The following XKR6 variants were observed in gnomAD, a reference collection of about 807,000 sequenced individuals.
XKR6 encodes XK related 6.
XKR6 carries 22 observed loss-of-function variants against 56.7 expected under a neutral mutation model. The ratio of observed to expected loss-of-function variants is 0.39; its 90% confidence interval spans 0.28 to 0.55. XKR6 has a LOEUF of 0.55. Among genes scored for constraint, XKR6 ranks in the 20% least tolerant of loss-of-function variants. The probability of loss-of-function intolerance (pLI) is 0.66; values close to 1 mark genes in which losing one functional copy is unlikely to be tolerated. For missense variants in XKR6, 852 were observed against 889.0 expected, an observed-to-expected ratio of 0.96 and a Z score of 0.53; for synonymous variants, 524 against 387.8, an observed-to-expected ratio of 1.35 and a Z score of -4.13.
chr8:11,083,923 C>T (rs1410857932), intron 1 of XKR6, among the ~76,000 whole-genome samples: 4 of 150,250 alleles, frequency 2.7e-5, no homozygotes, highest in Non-Finnish European at 5.9e-5. Flanking sequence ...TTTGCTGTTT[C>T]GTTAAAAAAA....
chr8:10,972,848 G>C (rs1191262792), intron 1 of XKR6, among the ~76,000 whole-genome samples: 1 of 152,150 alleles, frequency 6.6e-6, no homozygotes, highest in South Asian at 2.1e-4. Flanking sequence ...ACTTAAAATC[G>C]GTTAAAATGG....
intron 1 of XKR6, among the ~76,000 whole-genome samples, chr8:10,996,903 G>C (rs896946875): frequency 2.0e-5 from 3 of 152,040 alleles, no homozygotes; most frequent in Non-Finnish European, 4.4e-5. Context: ...CAGGAGTCTA[G>C]GGCTGCAGTG....
chr8:11,148,653 T>C (rs558939618), intron 1 of XKR6, among the ~76,000 whole-genome samples: 164 of 152,334 alleles, frequency 1.1e-3, no homozygotes, highest in African/African-American at 3.9e-3. Flanking sequence ...ACCTATCATA[T>C]GATCCAGCTA....
Position 11,060,914 on chromosome 8 carries a change from T to C in XKR6, c.765-136084A>G, listed in dbSNP as rs556263976. 7.9e-5 allele frequency among the ~76,000 whole-genome samples: 12 copies of C among 152,292 alleles called. No individual in the cohort carries two copies. The South Asian group carries it at 2.5e-3, about 32-fold the overall frequency. On this transcript the variant is annotated intron_variant, in intron 1 of 2. Coordinates refer to ENST00000416569, the MANE Select transcript of XKR6 (RefSeq NM_173683.4). ...GATACAAACCCTGATGAAGGGTAAA[T>C]ATTCTTATCCCCTATCCCCATTTTA...
At chr8:11,160,525 T>C (rs2117009049) in intron 1 of XKR6, among the ~76,000 whole-genome samples, 1 of 152,290 alleles carries the variant, frequency 6.6e-6, no homozygotes, top group African/African-American at 2.4e-5. Context: ...GCTCCAATAC[T>C]GAAAAAGTAG....
intron 1 of XKR6, among the ~76,000 whole-genome samples, chr8:11,096,788 TTATC>T (rs1798275681): frequency 1.3e-5 from 2 of 152,254 alleles, no homozygotes; most frequent in African/African-American, 4.8e-5. Flanking sequence ...TGGTGTCTTC[TTATC>T]TTTGTATTGC....
intron 1 of XKR6, among the ~76,000 whole-genome samples, chr8:10,995,437 C>T (rs1266087903): frequency 2.7e-5 from 4 of 145,638 alleles, no homozygotes; most frequent in Non-Finnish European, 6.0e-5. Context: ...CTACTATAAC[C>T]CTATATCTAA....
chr8:11,163,355 T>C (rs751656444), intron 1 of XKR6, among the ~76,000 whole-genome samples: 10 of 152,172 alleles, frequency 6.6e-5, no homozygotes, highest in Non-Finnish European at 1.3e-4. Context: ...AACAAATGAT[T>C]ACTGTTGCAG....
intron 1 of XKR6, among the ~76,000 whole-genome samples, chr8:11,036,355 C>T (rs187331571): frequency 6.6e-6 from 1 of 152,268 alleles, no homozygotes; most frequent in Non-Finnish European, 1.5e-5. Flanking sequence ...GGTGGGAGAC[C>T]TAGAGGAAGC....
At chr8:10,968,550 G>A (rs1376010691) in intron 1 of XKR6, among the ~76,000 whole-genome samples, 1 of 152,194 alleles carries the variant, frequency 6.6e-6, no homozygotes, top group Non-Finnish European at 1.5e-5. Context: ...TGTCCTCCAG[G>A]CCTAGGGTGT....
intron 1 of XKR6, among the ~76,000 whole-genome samples, chr8:11,017,833 C>T (rs1412128294): frequency 6.6e-6 from 1 of 152,156 alleles, no homozygotes; most frequent in African/African-American, 2.4e-5. Flanking sequence ...GGCCAGGAAG[C>T]AGTTTTGTGG....
chr8:10,911,276 G>T (rs551841983), intron 2 of XKR6, among the ~76,000 whole-genome samples: 194 of 148,896 alleles, frequency 1.3e-3, no homozygotes, highest in Non-Finnish European at 2.2e-3. Context: ...TATATATATA[G>T]AGAGAGGGTG....
chr8:10,906,400 T>A (rs1800191708), intron 2 of XKR6, among the ~76,000 whole-genome samples: 1 of 152,224 alleles, frequency 6.6e-6, no homozygotes, highest in Non-Finnish European at 1.5e-5. Flanking sequence ...GCTGTACTCC[T>A]AGATGTGGTC....
intron 1 of XKR6, among the ~76,000 whole-genome samples, chr8:11,082,738 G>T (rs1422907295): frequency 4.6e-5 from 7 of 152,198 alleles, no homozygotes; most frequent in Admixed American, 4.6e-4. Flanking sequence ...CACAGCTCAG[G>T]TTTGACAGAG....
intron 1 of XKR6, among the ~76,000 whole-genome samples, chr8:10,944,106 C>A (rs984749523): frequency 6.6e-6 from 1 of 152,108 alleles, no homozygotes; most frequent in Non-Finnish European, 1.5e-5. Flanking sequence ...ATATACCCAG[C>A]GCCCCCCAGC....
At chr8:10,947,307 G>A (rs1413722699) in intron 1 of XKR6, among the ~76,000 whole-genome samples, 1 of 152,192 alleles carries the variant, frequency 6.6e-6, no homozygotes, top group Admixed American at 6.5e-5. Flanking sequence ...GAGAGCAAAG[G>A]TTTGGGAGTG....
At chr8:11,146,343 T>C (rs1183853965) in intron 1 of XKR6, among the ~76,000 whole-genome samples, 3 of 152,208 alleles carry the variant, frequency 2.0e-5, no homozygotes, top group African/African-American at 4.8e-5. Context: ...AAGAAAAAAC[T>C]GGCTAAGTGT....
At chr8:11,085,254 C>T (rs972418001) in intron 1 of XKR6, among the ~76,000 whole-genome samples, 4 of 152,178 alleles carry the variant, frequency 2.6e-5, no homozygotes, top group African/African-American at 9.7e-5. Context: ...TAGGTGGGAG[C>T]CTCATTGTCT....
At chr8:11,060,567 T>A (rs1330516263) in intron 1 of XKR6, among the ~76,000 whole-genome samples, 2 of 152,200 alleles carry the variant, frequency 1.3e-5, no homozygotes, top group Non-Finnish European at 2.9e-5. Context: ...TGGGTTTTTC[T>A]CCTGCATACA....
Sources: gnomAD v4.1 joint callset for allele counts (sites outside exome capture counted in the v4.1 genomes callset) on GRCh38, gnomAD v4.1.1 for gene constraint, MANE v1.5 for transcripts, NCBI Gene and HGNC (gene_info 2026-07-23, HGNC 2026-07-21) for gene names.